The following TBC1D31 variants were observed in gnomAD, a reference collection of about 807,000 sequenced individuals.
The protein encoded by TBC1D31 is WD repeat domain 67.
In TBC1D31, 99 loss-of-function variants were observed where a neutral mutation model predicts 132.9. That is an observed-to-expected ratio of 0.74 (90% CI 0.63 to 0.88). The LOEUF (loss-of-function observed/expected upper bound fraction) is 0.88. TBC1D31 is among the 40% of genes least tolerant of loss of function. The pLI, the probability that TBC1D31 is intolerant of heterozygous loss-of-function variation, is 0.00. For synonymous variants in TBC1D31, 385 were observed against 419.4 expected (o/e 0.92, Z 1.00); for missense variants, 1,134 against 1,256.6 (o/e 0.90, Z 1.48).
At position 123,120,081 on chromosome 8, in the gene TBC1D31, C is replaced by T; in HGVS notation, c.1463C>T (p.Ser488Phe). 1 of 1,607,278 alleles carries T rather than the reference C, an allele frequency of 6.2e-7. No homozygotes were observed. The highest frequency in any genetic ancestry group is 1.3e-5 in the African/African-American group (1 of 74,852). ...ACCTTATCTGCATTAGCTCACTGGT[C>T]TGTCATTTTTAGTGACACACCATAT... is the stretch of plus-strand genomic sequence containing the variant. ...QRTLSALAHWSVIFSDTPYLP... is the reference protein window; with the variant it reads ...QRTLSALAHWFVIFSDTPYLP... The change falls in exon 11 of 22, where the codon TCT becomes TTT. Residue 488 changes from serine to phenylalanine, a missense_variant. Transcript: ENST00000287380.
At chr8:123,145,427 T>C (rs1272822813) in intron 20 of TBC1D31, among the ~76,000 whole-genome samples, 1 of 152,232 alleles carries the variant, frequency 6.6e-6, no homozygotes, top group South Asian at 2.1e-4. Flanking sequence ...AGGTAAAATA[T>C]GTACTTTGCC....
chr8:123,077,583 G>A (rs1814674777), intron 2 of TBC1D31, among the ~76,000 whole-genome samples: 1 of 150,042 alleles, frequency 6.7e-6, no homozygotes. Flanking sequence ...CCAGGCTGGA[G>A]TGCAGTGGGA....
chr8:123,114,905 A>G (rs1047769209), intron 10 of TBC1D31, among the ~76,000 whole-genome samples: 1 of 152,216 alleles, frequency 6.6e-6, no homozygotes. Context: ...TTTCAAGTCT[A>G]TCATGGACCT....
At chr8:123,132,218 T>G (rs1399131186) in intron 16 of TBC1D31, among the ~76,000 whole-genome samples, 2 of 152,080 alleles carry the variant, frequency 1.3e-5, no homozygotes, top group Non-Finnish European at 2.9e-5. Context: ...TTAGTCTTCC[T>G]TTTCAGAGTT....
At position 123,109,491 on chromosome 8, in the gene TBC1D31, C is replaced by A. The variant is rs186509486; in HGVS notation, c.1307C>A (p.Ser436Tyr). Residue 436 changes from serine to tyrosine, a missense_variant, in exon 10 of 22, where the codon TCT becomes TAT. Transcript: ENST00000287380. Reference sequence around the variant, plus strand: ...TATTTCAGAATGTTCATTTGGCGCTCTCTGCTACAACTGCCTGAAAATCAT... The same window carrying A: ...TATTTCAGAATGTTCATTTGGCGCTATCTGCTACAACTGCCTGAAAATCAT... ...PTKYRMFIWR[S>Y]LLQLPENHTA... The A allele has an allele frequency of 6.2e-7, 1 of 1,613,232 alleles. No individual in the cohort carries two copies. The highest frequency in any genetic ancestry group is 1.7e-5 in the Admixed American group (1 of 59,772).
At position 123,140,872 on chromosome 8, in the gene TBC1D31, G is replaced by A. The variant is rs775484254; in HGVS notation, c.2611G>A (p.Gly871Ser). The stretch of plus-strand genomic sequence containing the variant: ...CATGTTTCATAAGCTGATAGAAGCA[G>A]GTGAAACCCAGAGCCAGAAAACTCA... ...EHMFHKLIEAGETQSQKTQKV... is the reference protein window; with the variant it reads ...EHMFHKLIEASETQSQKTQKV... Residue 871 changes from glycine (G) to serine (S), a missense_variant, in exon 18 of 22, where the codon GGT becomes AGT. Physicochemically the swap from Gly to Ser is moderately conservative, Grantham distance 56. Transcript: ENST00000287380. 7.4e-6 allele frequency: 12 copies of A among 1,613,660 alleles called. No individual in the cohort carries two copies. Among genetic ancestry groups the A allele is most frequent in the Non-Finnish European group, 1.0e-5 (12 of 1,179,894 alleles).
chr8:123,106,619 G>T (rs1817952328), intron 8 of TBC1D31, among the ~76,000 whole-genome samples: 1 of 152,208 alleles, frequency 6.6e-6, no homozygotes, highest in African/African-American at 2.4e-5. Flanking sequence ...CGTCAAATCA[G>T]TGGGGACTAT....
At chr8:123,094,523 A>G (rs112607467) in intron 5 of TBC1D31, among the ~76,000 whole-genome samples, 35,281 of 150,578 alleles carry the variant, frequency 0.23, 5,233 homozygotes, top group Non-Finnish European at 0.32. Flanking sequence ...TTATTTATTT[A>G]TTTATTTATT....
chr8:123,140,840 A>C lies in TBC1D31; in HGVS notation c.2579A>C (p.Glu860Ala), dbSNP rs757918607. 9 of 1,613,648 alleles carry C rather than the reference A, an allele frequency of 5.6e-6. No individual in the cohort carries two copies. Among genetic ancestry groups the C allele is most frequent in the Non-Finnish European group, 6.8e-6 (8 of 1,179,868 alleles). ...GCCTATAGACGAAAAGTGGATCTTG[A>C]AGAACACATGTTTCATAAGCTGATA... is the stretch of plus-strand genomic sequence containing the variant. ...ADAYRRKVDL[E>A]EHMFHKLIEA... The change falls in exon 18 of 22, where the codon GAA becomes GCA. Residue 860 changes from glutamate (E) to alanine (A), a missense_variant. By Grantham distance (107) the Glu-to-Ala change is moderately radical. Coordinates refer to ENST00000287380, the MANE Select transcript of TBC1D31 (RefSeq NM_145647.4).
intron 10 of TBC1D31, among the ~76,000 whole-genome samples, chr8:123,118,407 GT>G (rs1347741682): frequency 6.6e-6 from 1 of 151,880 alleles, no homozygotes; most frequent in Non-Finnish European, 1.5e-5. Flanking sequence ...AAAACAGAAA[GT>G]TAAAAAAAGG....
Position 123,097,347 on chromosome 8 carries a change from G to T in TBC1D31, c.737G>T (p.Arg246Met). 6.2e-7 allele frequency: 1 copy of T among 1,614,122 alleles called. No individual in the cohort carries two copies. The highest frequency in any genetic ancestry group is 8.5e-7 in the Non-Finnish European group (1 of 1,180,024). ...CTTCATTTGTGGTGCTTGGAAGCTA[G>T]GCAGCTCTTTAGAATTATCCAGATG... ...NHLHLWCLEA[R>M]QLFRIIQMPT... Residue 246 changes from arginine (R) to methionine (M), a missense_variant, in exon 6 of 22, where the codon AGG (arginine) becomes ATG (methionine). Physicochemically the swap from Arg to Met is moderately conservative, Grantham distance 91 (BLOSUM62 -1). Transcript: ENST00000287380.
At chr8:123,095,866 T>G (rs1237180447) in intron 5 of TBC1D31, among the ~76,000 whole-genome samples, 2 of 152,208 alleles carry the variant, frequency 1.3e-5, no homozygotes, top group East Asian at 3.8e-4. Flanking sequence ...ACTGGGCCAA[T>G]CATTGTTTCT....
At position 123,150,483 on chromosome 8, in the gene TBC1D31, G is replaced by A. The variant is rs111996664; in HGVS notation, c.3067+355G>A. On this transcript the variant is annotated intron_variant, in intron 21 of 21. Coordinates refer to ENST00000287380, the MANE Select transcript of TBC1D31 (RefSeq NM_145647.4). Reference sequence around the variant, plus strand: ...CATCCTTGTGAAAAAAAATCTCAGCGTTGTTTTTCAAAGCTATTGCATAGT... The same window carrying A: ...CATCCTTGTGAAAAAAAATCTCAGCATTGTTTTTCAAAGCTATTGCATAGT... 6.8e-3 allele frequency among the ~76,000 whole-genome samples: 1,031 copies of A among 152,260 alleles called. 7 individuals carry two copies. The highest frequency in any genetic ancestry group is 0.012 in the Non-Finnish European group (815 of 68,020).
intron 19 of TBC1D31, among the ~76,000 whole-genome samples, chr8:123,144,379 T>G (rs1346348694): frequency 6.6e-6 from 1 of 152,226 alleles, no homozygotes; most frequent in Non-Finnish European, 1.5e-5. Flanking sequence ...TTAAATAAAA[T>G]GCAATTGCCA....
At chr8:123,077,533 A>ATTTTTTTTTTTTTTTTTTTTTTT (rs33948089) in intron 2 of TBC1D31, among the ~76,000 whole-genome samples, 2 of 143,482 alleles carry the variant, frequency 1.4e-5, no homozygotes, top group Non-Finnish European at 1.5e-5. Flanking sequence ...ATTATTGCTA[A>ATTTTTTTTTTTTTTTTTTTTTTT]TTTTTTTTTT....
At chr8:123,117,143 T>C (rs1818998205) in intron 10 of TBC1D31, among the ~76,000 whole-genome samples, 5 of 152,002 alleles carry the variant, frequency 3.3e-5, no homozygotes, top group Admixed American at 2.0e-4. Flanking sequence ...GGTGAAACCG[T>C]ATCTCTATTA....
At position 123,120,168 on chromosome 8, in the gene TBC1D31, A is replaced by C; in HGVS notation, c.1550A>C (p.Glu517Ala). 6.2e-7 allele frequency: 1 copy of C among 1,607,648 alleles called. No individual in the cohort carries two copies. Among genetic ancestry groups the C allele is most frequent in the South Asian group, 1.1e-5 (1 of 90,034 alleles). ...LFQNNQLICFEVIATLIINWC... is the reference protein window; with the variant it reads ...LFQNNQLICFAVIATLIINWC... ...CAGAACAACCAACTCATCTGTTTTG[A>C]AGTTATTGCTACTCTCATAAGTAAG... The change falls in exon 11 of 22, where the codon GAA (glutamate) becomes GCA (alanine). Residue 517 changes from glutamate to alanine, a missense_variant. Physicochemically the swap from Glu to Ala is moderately radical, Grantham distance 107. Transcript: ENST00000287380.
intron 4 of TBC1D31, among the ~76,000 whole-genome samples, chr8:123,090,067 G>A (rs1409036571): frequency 6.6e-6 from 1 of 152,128 alleles, no homozygotes; most frequent in Non-Finnish European, 1.5e-5. Context: ...ACCTCTTTCC[G>A]CTGATTTTTG....
intron 8 of TBC1D31, among the ~76,000 whole-genome samples, chr8:123,107,919 C>T (rs1653309233): frequency 6.6e-6 from 1 of 152,156 alleles, no homozygotes; most frequent in South Asian, 2.1e-4. Flanking sequence ...CAAATTGAGG[C>T]CAAACTCCCC....
Sources: allele counts gnomAD v4.1 joint callset (sites outside exome capture counted in the v4.1 genomes callset), GRCh38; gene constraint gnomAD v4.1.1; transcripts MANE v1.5; gene names NCBI Gene and HGNC (gene_info 2026-07-23, HGNC 2026-07-21).